Variants in NAV2 observed in about 807,000 individuals in gnomAD.
The protein encoded by NAV2 is neuron navigator 2.
NAV2 carries 54 observed loss-of-function variants against 223.2 expected under a neutral mutation model. The observed-to-expected ratio is 0.24, with a 90% confidence interval of 0.19 to 0.30. The LOEUF (loss-of-function observed/expected upper bound fraction) is 0.30, where lower values mean the gene tolerates loss of function less well. Among genes scored for constraint, NAV2 ranks in the 10% least tolerant of loss-of-function variants. The probability of loss-of-function intolerance (pLI) is 1.00; values close to 1 mark genes in which losing one functional copy is unlikely to be tolerated. For missense variants in NAV2, 2,806 were observed against 3,147.5 expected (o/e 0.89, Z 2.60); for synonymous variants, 1,279 against 1,239.3 (o/e 1.03, Z -0.67).
At chr11:19,774,943 G>A (rs2152623617) in intron 1 of NAV2, among the ~76,000 whole-genome samples, 1 of 152,246 alleles carries the variant, frequency 6.6e-6, no homozygotes. Context: ...GATCGTAAAT[G>A]TTGTGGCTAT....
Position 20,044,008 on chromosome 11 carries a change from G to A in NAV2, c.2935G>A (p.Glu979Lys), listed in dbSNP as rs1256404665. The change falls in exon 13 of 38, where the codon GAG becomes AAG. Residue 979 changes from glutamate (E) to lysine (K), a missense_variant. This residue lies in a region of NAV2 where 73 missense variants were observed against 119.7 expected (regional missense o/e 0.61). Coordinates refer to ENST00000349880, the MANE Select transcript of NAV2 (RefSeq NM_145117.5). The stretch of plus-strand genomic sequence containing the variant: ...TGATGCTGAGAAGCACTCACAGGTG[G>A]AGAGGAATTCCCTGTGGTCTGGTGA... ...QTDAEKHSQV[E>K]RNSLWSGDDV... The A allele has an allele frequency of 6.2e-7, 1 of 1,614,104 alleles. No individual in the cohort carries two copies. The highest frequency in any genetic ancestry group is 1.7e-5 in the Admixed American group (1 of 60,022).
At chr11:19,398,525 A>C (rs542511886) in intron 1 of NAV2, among the ~76,000 whole-genome samples, 6 of 152,142 alleles carry the variant, frequency 3.9e-5, no homozygotes, top group Admixed American at 2.0e-4. Flanking sequence ...TTCAGCCACC[A>C]CAGAGAACCT....
intron 1 of NAV2, chr11:19,507,373 T>C (rs1427991913): frequency 6.6e-6 from 1 of 152,218 alleles, no homozygotes; most frequent in Non-Finnish European, 1.5e-5. Flanking sequence ...GGAATGATGT[T>C]AAAAATCTGC....
At chr11:19,503,903 A>G (rs1435954946) in intron 1 of NAV2, 2 of 152,252 alleles carry the variant, frequency 1.3e-5, no homozygotes, top group Admixed American at 6.5e-5. Context: ...GGGGAAAATA[A>G]TTGCAAAAGA....
intron 1 of NAV2, among the ~76,000 whole-genome samples, chr11:19,801,503 G>C (rs1373328017): frequency 6.6e-6 from 1 of 152,154 alleles, no homozygotes; most frequent in Admixed American, 6.5e-5. Flanking sequence ...TGAGGCTTAC[G>C]TCTGCCTGGA....
intron 1 of NAV2, among the ~76,000 whole-genome samples, chr11:19,481,075 G>A (rs532413225): frequency 6.6e-6 from 1 of 152,264 alleles, no homozygotes; most frequent in African/African-American, 2.4e-5. Context: ...TAGGTTTTAG[G>A]GGACAGATCT....
At chr11:19,994,852 G>T (rs958584957) in intron 11 of NAV2, among the ~76,000 whole-genome samples, 23 of 152,298 alleles carry the variant, frequency 1.5e-4, no homozygotes, top group Middle Eastern at 3.4e-3. Flanking sequence ...TCAAGGTTGG[G>T]TTTGTTCAGA....
intron 11 of NAV2, among the ~76,000 whole-genome samples, chr11:20,019,792 C>T (rs1211802513): frequency 1.3e-5 from 2 of 151,944 alleles, no homozygotes; most frequent in African/African-American, 4.8e-5. Context: ...CTACCTGCTG[C>T]TGAAAACTCA....
rs755302671 is a variant in NAV2 at position 20,114,770 on chromosome 11, C to G, written c.7139C>G (p.Pro2380Arg). 3.0e-5 allele frequency: 48 copies of G among 1,613,692 alleles called. No homozygotes were observed. The highest frequency in any genetic ancestry group is 4.0e-5 in the Non-Finnish European group (47 of 1,179,948). ...GGATCGACAAGCAAGCAGATGCCCC[C>G]CAGTGATGCTGAAGGTGACCCGCTG... ...REGSTSKQMP[P>R]SDAEGDPLMN... is the part of the protein sequence containing the mutation. Residue 2380 changes from proline (P) to arginine (R), a missense_variant, in exon 37 of 38, where the codon CCC becomes CGC. Transcript: ENST00000349880.
At position 20,105,539 on chromosome 11, in the gene NAV2, T is replaced by C; in HGVS notation, c.6653T>C (p.Leu2218Pro). The change falls in exon 35 of 38, where the codon CTT becomes CCT. Residue 2218 changes from leucine to proline, a missense_variant. Leu to Pro is a moderately conservative substitution (Grantham distance 98). Around this residue, in one of 4 missense-constraint regions of NAV2, gnomAD observed 824 missense variants for 1,069.4 expected, o/e 0.77. Coordinates refer to ENST00000349880, the MANE Select transcript of NAV2 (RefSeq NM_145117.5). ...TTTCTGACTTCCTCCAGATGGGTGC[T>C]TTGTGCCAACCACACGGAGCCTGTG... The part of the protein sequence containing the change: ...LQLHHNFRWV[L>P]CANHTEPVKG... 6.2e-7 allele frequency: 1 copy of C among 1,612,806 alleles called. No individual in the cohort carries two copies. Among genetic ancestry groups the C allele is most frequent in the Non-Finnish European group, 8.5e-7 (1 of 1,179,104 alleles).
intron 1 of NAV2, among the ~76,000 whole-genome samples, chr11:19,647,363 G>A (rs1248425364): frequency 6.6e-6 from 1 of 152,096 alleles, no homozygotes; most frequent in East Asian, 1.9e-4. Flanking sequence ...TTCCCAAAAT[G>A]TCCCGGCTTT....
intron 1 of NAV2, among the ~76,000 whole-genome samples, chr11:19,518,850 G>A (rs748596899): frequency 2.1e-4 from 32 of 152,102 alleles, no homozygotes; most frequent in Non-Finnish European, 1.0e-4. Flanking sequence ...ATTAGGAGGC[G>A]GGGCCTTTGA....
At chr11:19,659,832 A>G (rs1590050172) in intron 1 of NAV2, among the ~76,000 whole-genome samples, 3 of 152,300 alleles carry the variant, frequency 2.0e-5, no homozygotes, top group South Asian at 2.1e-4. Context: ...CAGTTTCTCC[A>G]TCAGTAAAAT....
intron 1 of NAV2, among the ~76,000 whole-genome samples, chr11:19,664,574 A>G (rs1046472831): frequency 1.3e-5 from 2 of 152,202 alleles, no homozygotes; most frequent in African/African-American, 4.8e-5. Context: ...TGAGTTTCCC[A>G]GAAAAGGAAT....
At chr11:19,614,719 G>C (rs2046744437) in intron 1 of NAV2, among the ~76,000 whole-genome samples, 1 of 152,166 alleles carries the variant, frequency 6.6e-6, no homozygotes, top group Non-Finnish European at 1.5e-5. Context: ...AGGTCATGCT[G>C]GTGGAGGCGT....
At chr11:19,811,068 A>G (rs1193093693) in intron 1 of NAV2, among the ~76,000 whole-genome samples, 1 of 152,234 alleles carries the variant, frequency 6.6e-6, no homozygotes, top group African/African-American at 2.4e-5. Context: ...ACACAGCAAC[A>G]CTGAGGAGGA....
intron 1 of NAV2, among the ~76,000 whole-genome samples, chr11:19,435,016 C>T (rs977407065): frequency 1.3e-5 from 2 of 152,000 alleles, no homozygotes; most frequent in Non-Finnish European, 2.9e-5. Context: ...TATAATGTTT[C>T]AGTACATATA....
intron 1 of NAV2, among the ~76,000 whole-genome samples, chr11:19,589,165 C>A (rs552977978): frequency 5.7e-4 from 86 of 152,198 alleles, no homozygotes; most frequent in African/African-American, 2.0e-3. Context: ...TTCTTGGATC[C>A]TAAGATGATA....
intron 3 of NAV2, among the ~76,000 whole-genome samples, chr11:19,859,763 T>C (rs1469310512): frequency 1.1e-3 from 104 of 92,918 alleles, no homozygotes; most frequent in East Asian, 2.2e-3. Flanking sequence ...GCTGGCCGGG[T>C]GGGGGGCTGA....
Sources: gnomAD v4.1 joint callset for allele counts (sites outside exome capture counted in the v4.1 genomes callset) on GRCh38, gnomAD v4.1.1 for gene constraint, gnomAD v4.1.1 regional missense constraint, MANE v1.5 for transcripts, NCBI Gene and HGNC (gene_info 2026-07-23, HGNC 2026-07-21) for gene names.